Variants in CLSTN2 observed in about 807,000 individuals in gnomAD.
The protein encoded by CLSTN2 is calsyntenin-2.
CLSTN2 carries 48 observed loss-of-function variants against 101.2 expected under a neutral mutation model. The ratio of observed to expected loss-of-function variants is 0.47; its 90% CI spans 0.38 to 0.60. The LOEUF (loss-of-function observed/expected upper bound fraction) is 0.60, where lower values mean the gene tolerates loss of function less well. Ranked by LOEUF, CLSTN2 falls within the 20% of genes least tolerant of loss-of-function variation. The pLI is 0.00. For synonymous variants in CLSTN2, 481 were observed against 463.6 expected, an observed-to-expected ratio of 1.04 and a Z score of -0.48; for missense variants, 1,160 against 1,238.2, an observed-to-expected ratio of 0.94 and a Z score of 0.95.
At chr3:139,992,317 C>T (rs962538933) in intron 1 of CLSTN2, among the ~76,000 whole-genome samples, 1 of 152,084 alleles carries the variant, frequency 6.6e-6, no homozygotes, top group Admixed American at 6.6e-5. Context: ...TATAGTCATG[C>T]CAGAATCTTC....
At chr3:140,481,504 TG>T (rs1934115211) in intron 8 of CLSTN2, among the ~76,000 whole-genome samples, 2 of 152,230 alleles carry the variant, frequency 1.3e-5, no homozygotes, top group African/African-American at 2.4e-5. Flanking sequence ...GGTAGCTTGA[TG>T]GGGATGGCAT....
At chr3:140,267,886 G>C (rs993898303) in intron 2 of CLSTN2, among the ~76,000 whole-genome samples, 2 of 152,162 alleles carry the variant, frequency 1.3e-5, no homozygotes, top group African/African-American at 4.8e-5. Context: ...AGAATTCTCG[G>C]AAGACTGAAT....
intron 2 of CLSTN2, among the ~76,000 whole-genome samples, chr3:140,366,847 A>G (rs6770286): frequency 1.1e-4 from 17 of 152,036 alleles, no homozygotes; most frequent in Admixed American, 1.1e-3. Flanking sequence ...GGCAACTAGG[A>G]AATGTTGAAG....
chr3:140,155,519 A>G (rs1180886864), intron 1 of CLSTN2, among the ~76,000 whole-genome samples: 1 of 152,162 alleles, frequency 6.6e-6, no homozygotes. Context: ...AAGGGGAACA[A>G]TAAGTTATAT....
intron 1 of CLSTN2, among the ~76,000 whole-genome samples, chr3:140,012,506 A>T (rs1186833411): frequency 6.6e-6 from 1 of 152,154 alleles, no homozygotes; most frequent in Non-Finnish European, 1.5e-5. Context: ...GGACTGTTGT[A>T]GCAGCTCCAG....
chr3:140,046,647 G>T (rs565967267), intron 1 of CLSTN2, among the ~76,000 whole-genome samples: 3 of 152,266 alleles, frequency 2.0e-5, no homozygotes, highest in African/African-American at 7.2e-5. Context: ...TGCAGTGGCT[G>T]GTACCGGTTG....
intron 8 of CLSTN2, among the ~76,000 whole-genome samples, chr3:140,510,384 C>T (rs1038311106): frequency 6.6e-6 from 1 of 152,162 alleles, no homozygotes; most frequent in Admixed American, 6.6e-5. Context: ...ATGCAAAAGT[C>T]GCAGCACGGT....
chr3:140,181,399 T>C (rs550760669), intron 2 of CLSTN2, among the ~76,000 whole-genome samples: 1 of 152,336 alleles, frequency 6.6e-6, no homozygotes, highest in African/African-American at 2.4e-5. Flanking sequence ...TTCATTTGGG[T>C]TGATTACAAT....
At chr3:140,488,108 C>T (rs1934274923) in intron 8 of CLSTN2, among the ~76,000 whole-genome samples, 1 of 152,072 alleles carries the variant, frequency 6.6e-6, no homozygotes, top group African/African-American at 2.4e-5. Flanking sequence ...ACATTAGGAA[C>T]CCAGAGAAGA....
chr3:140,121,333 C>T (rs949429853), intron 1 of CLSTN2, among the ~76,000 whole-genome samples: 1 of 152,114 alleles, frequency 6.6e-6, no homozygotes, highest in Non-Finnish European at 1.5e-5. Flanking sequence ...TAGGGGAAAA[C>T]TTCCTGGGAT....
intron 2 of CLSTN2, among the ~76,000 whole-genome samples, chr3:140,311,031 G>A (rs911896574): frequency 1.3e-5 from 2 of 152,152 alleles, no homozygotes; most frequent in Non-Finnish European, 2.9e-5. Flanking sequence ...AGCATGGCTA[G>A]TCAGAGAGGC....
Position 140,229,229 on chromosome 3 carries a change from A to G in CLSTN2, c.232+53156A>G, listed in dbSNP as rs186654326. ...AGGATTTCCTGGAGCAAAAGCTAAA[A>G]AGAAGAAACGAGGAGCTCATGATGT... On this transcript the variant is annotated intron_variant, in intron 2 of 16. Coordinates refer to ENST00000458420, the MANE Select transcript of CLSTN2 (RefSeq NM_022131.3). Among the ~76,000 whole-genome samples the G allele has an allele frequency of 2.0e-3, 302 of 152,310 alleles. 1 individual carries two copies. Among genetic ancestry groups the G allele is most frequent in the African/African-American group, 7.0e-3 (290 of 41,572 alleles).
intron 2 of CLSTN2, among the ~76,000 whole-genome samples, chr3:140,391,009 G>A (rs919660125): frequency 6.6e-6 from 1 of 152,088 alleles, no homozygotes; most frequent in African/African-American, 2.4e-5. Flanking sequence ...TGCCTGCCAT[G>A]GGCAGCAGTT....
chr3:140,157,688 T>A (rs1050509789), intron 1 of CLSTN2, among the ~76,000 whole-genome samples: 1 of 151,566 alleles, frequency 6.6e-6, no homozygotes, highest in African/African-American at 2.4e-5. Flanking sequence ...AATCAAGTCT[T>A]GGTTTCATTG....
intron 8 of CLSTN2, among the ~76,000 whole-genome samples, chr3:140,523,151 C>T (rs1576610796): frequency 2.0e-5 from 3 of 152,038 alleles, no homozygotes; most frequent in South Asian, 2.1e-4. Context: ...CAGGCCTGGG[C>T]GTCTAACTTC....
intron 1 of CLSTN2, among the ~76,000 whole-genome samples, chr3:140,136,037 A>G (rs756954018): frequency 6.6e-6 from 1 of 152,198 alleles, no homozygotes; most frequent in Non-Finnish European, 1.5e-5. Context: ...GGTCACTTTC[A>G]TTCTTAATGA....
intron 2 of CLSTN2, among the ~76,000 whole-genome samples, chr3:140,377,154 G>C (rs1156314828): frequency 6.6e-6 from 1 of 152,160 alleles, no homozygotes; most frequent in Non-Finnish European, 1.5e-5. Context: ...ATTGCCTGCT[G>C]ATGTCATAGC....
chr3:140,164,145 C>T (rs985643592), intron 1 of CLSTN2, among the ~76,000 whole-genome samples: 1 of 152,134 alleles, frequency 6.6e-6, no homozygotes, highest in African/African-American at 2.4e-5. Flanking sequence ...TAAACAATCA[C>T]AGTCCCTTTT....
At chr3:140,247,333 A>C (rs777513659) in intron 2 of CLSTN2, among the ~76,000 whole-genome samples, 14 of 152,196 alleles carry the variant, frequency 9.2e-5, no homozygotes, top group Non-Finnish European at 4.4e-5. Flanking sequence ...GTGTTCTGAA[A>C]ATCCTGCATC....
Sources: allele counts gnomAD v4.1 joint callset (sites outside exome capture counted in the v4.1 genomes callset), GRCh38; gene constraint gnomAD v4.1.1; transcripts MANE v1.5; gene names NCBI Gene and HGNC (gene_info 2026-07-23, HGNC 2026-07-21).